Variants in SPAG16 observed in about 807,000 individuals in gnomAD.
The protein encoded by SPAG16 is sperm-associated antigen 16 protein.
A neutral mutation model predicts 80.4 loss-of-function variants in SPAG16; 86 were observed. The ratio of observed to expected loss-of-function variants is 1.07; its 90% CI spans 0.90 to 1.28. The LOEUF is 1.28. Ranked by LOEUF, SPAG16 falls within the 50% of genes most tolerant of loss-of-function variation. The pLI is 0.00. For synonymous variants in SPAG16, 294 were observed against 265.9 expected, an observed-to-expected ratio of 1.11 and a Z score of -1.03; for missense variants, 870 against 765.3, an observed-to-expected ratio of 1.14 and a Z score of -1.61.
intron 15 of SPAG16, among the ~76,000 whole-genome samples, chr2:214,287,428 C>T (rs1292748804): frequency 6.6e-6 from 1 of 152,090 alleles, no homozygotes; most frequent in African/African-American, 2.4e-5. Context: ...AAGAGTGGTG[C>T]TCTGTAGTTA....
In SPAG16 at chr2:213,340,159, T is replaced by C. The variant is rs750316573; in HGVS notation, c.537-4T>C. On this transcript the variant is annotated splice_polypyrimidine_tract_variant and splice_region_variant and intron_variant, in intron 5 of 15. Transcript: ENST00000331683. ...GATTTATAAAGTTACTATTTTTTTT[T>C]CAGCAAAGCTAGAGAAGATTTGCTG... is the stretch of plus-strand genomic sequence containing the variant. 1.9e-6 allele frequency: 3 copies of C among 1,589,626 alleles called. No individual in the cohort carries two copies. Among genetic ancestry groups the C allele is most frequent in the Non-Finnish European group, 2.6e-6 (3 of 1,167,252 alleles).
At chr2:213,625,924 A>C (rs1310682975) in intron 10 of SPAG16, among the ~76,000 whole-genome samples, 1 of 152,040 alleles carries the variant, frequency 6.6e-6, no homozygotes, top group Admixed American at 6.6e-5. Flanking sequence ...TCCTGACCTC[A>C]GGTTATCCAC....
chr2:213,616,110 C>G (rs1006020859), intron 10 of SPAG16, among the ~76,000 whole-genome samples: 14 of 152,094 alleles, frequency 9.2e-5, no homozygotes, highest in African/African-American at 3.1e-4. Context: ...AACTGGAGAT[C>G]AACTTGGTTA....
At chr2:213,989,728 AT>A (rs2046187596) in intron 12 of SPAG16, among the ~76,000 whole-genome samples, 1 of 152,148 alleles carries the variant, frequency 6.6e-6, no homozygotes. Flanking sequence ...CATTTTGAAA[AT>A]TGTATAATGT....
intron 13 of SPAG16, among the ~76,000 whole-genome samples, chr2:214,038,001 T>C (rs942570120): frequency 7.9e-5 from 12 of 151,874 alleles, no homozygotes; most frequent in African/African-American, 2.4e-4. Context: ...GTGAGTCAAA[T>C]TGAAAATAAT....
chr2:213,912,270 A>G (rs1356149339), intron 11 of SPAG16, among the ~76,000 whole-genome samples: 1 of 152,198 alleles, frequency 6.6e-6, no homozygotes, highest in African/African-American at 2.4e-5. Flanking sequence ...TGTTATGAAT[A>G]GTTATACACT....
intron 10 of SPAG16, among the ~76,000 whole-genome samples, chr2:213,809,950 G>A (rs2125664232): frequency 6.6e-6 from 1 of 152,308 alleles, no homozygotes. Flanking sequence ...GGAAGCTGGT[G>A]AGAGGTTAGT....
intron 10 of SPAG16, among the ~76,000 whole-genome samples, chr2:213,802,596 G>A (rs2071487669): frequency 6.6e-6 from 1 of 152,040 alleles, no homozygotes; most frequent in South Asian, 2.1e-4. Flanking sequence ...TAATTCTGAA[G>A]ACAAAGACCA....
chr2:214,048,350 T>G (rs2049453620), intron 13 of SPAG16, among the ~76,000 whole-genome samples: 1 of 152,112 alleles, frequency 6.6e-6, no homozygotes, highest in South Asian at 2.1e-4. Flanking sequence ...ATGTGGTACA[T>G]TTACAGAATG....
intron 14 of SPAG16, among the ~76,000 whole-genome samples, chr2:214,134,867 C>A (rs1342714628): frequency 6.6e-6 from 1 of 152,190 alleles, no homozygotes; most frequent in Non-Finnish European, 1.5e-5. Context: ...AATTTTTACA[C>A]ATTGTTAACC....
At chr2:214,051,300 A>G (rs1355706791) in intron 13 of SPAG16, among the ~76,000 whole-genome samples, 2 of 152,190 alleles carry the variant, frequency 1.3e-5, no homozygotes, top group Non-Finnish European at 2.9e-5. Context: ...TCAAAAAGAA[A>G]AGGCATTTAT....
In SPAG16 at chr2:213,919,955, A is replaced by G. The variant is rs75944432; in HGVS notation, c.1215-10005A>G. On this transcript the variant is annotated intron_variant, in intron 11 of 15. Coordinates refer to ENST00000331683, the MANE Select transcript of SPAG16 (RefSeq NM_024532.5). ...TTGAAGGTCTTTAAGAACTTGCTTT[A>G]TGACTCTGGTTGCTTCTGTGTTGAA... Among the ~76,000 whole-genome samples the G allele has an allele frequency of 4.6e-5, 7 of 152,286 alleles. No homozygotes were observed. The East Asian group carries it at 1.4e-3, about 29-fold the overall frequency.
At chr2:213,731,348 C>T (rs1014634189) in intron 10 of SPAG16, among the ~76,000 whole-genome samples, 10 of 151,756 alleles carry the variant, frequency 6.6e-5, no homozygotes, top group South Asian at 2.1e-4. Flanking sequence ...TTAGTAGAGA[C>T]GGGGTTTCAC....
chr2:213,390,844 CT>C (rs34477932), intron 9 of SPAG16, among the ~76,000 whole-genome samples: 59,158 of 152,042 alleles, frequency 0.39, 12,204 homozygotes, highest in East Asian at 0.67. Context: ...ATACAAATGG[CT>C]TTTCAAAGCT....
At chr2:213,886,880 T>C (rs2076576324) in intron 11 of SPAG16, among the ~76,000 whole-genome samples, 1 of 152,142 alleles carries the variant, frequency 6.6e-6, no homozygotes, top group Non-Finnish European at 1.5e-5. Flanking sequence ...TATGCTGGTA[T>C]ATATCATAAC....
At chr2:213,918,435 G>T (rs1162862368) in intron 11 of SPAG16, among the ~76,000 whole-genome samples, 1 of 152,038 alleles carries the variant, frequency 6.6e-6, no homozygotes, top group Non-Finnish European at 1.5e-5. Context: ...GATATGGTTT[G>T]GCTGTGTCCT....
intron 12 of SPAG16, among the ~76,000 whole-genome samples, chr2:213,971,962 T>C (rs571643205): frequency 3.2e-4 from 48 of 151,880 alleles, no homozygotes; most frequent in African/African-American, 1.1e-3. Flanking sequence ...TTTTAGTTTT[T>C]GTGGGTGCAT....
At chr2:213,496,279 G>A (rs562531899) in intron 10 of SPAG16, among the ~76,000 whole-genome samples, 22 of 152,230 alleles carry the variant, frequency 1.4e-4, no homozygotes, top group Non-Finnish European at 2.8e-4. Context: ...TGGTTGTGGA[G>A]TGAAAGAAAG....
intron 15 of SPAG16, among the ~76,000 whole-genome samples, chr2:214,379,193 T>C (rs1021541437): frequency 1.3e-5 from 2 of 152,236 alleles, no homozygotes; most frequent in African/African-American, 4.8e-5. Flanking sequence ...CTTCTTAATA[T>C]GTTTTATAAA....
Sources: gnomAD v4.1 joint callset for allele counts (sites outside exome capture counted in the v4.1 genomes callset) on GRCh38, gnomAD v4.1.1 for gene constraint, MANE v1.5 for transcripts, NCBI Gene and HGNC (gene_info 2026-07-23, HGNC 2026-07-21) for gene names.